KIF3B: variants seen among roughly 807,000 people sequenced by gnomAD.
KIF3B encodes kinesin-like protein KIF3B.
A neutral mutation model predicts 74.3 loss-of-function variants in KIF3B; 38 were observed. The ratio of observed to expected loss-of-function variants is 0.51; its 90% CI spans 0.39 to 0.67. The LOEUF (loss-of-function observed/expected upper bound fraction) is 0.67. Among genes scored for constraint, KIF3B ranks in the 30% least tolerant of loss-of-function variants. KIF3B has a pLI of 0.00. For synonymous variants in KIF3B, 326 were observed against 342.5 expected, an observed-to-expected ratio of 0.95 and a Z score of 0.53; for missense variants, 649 against 932.0, an observed-to-expected ratio of 0.70 and a Z score of 3.95.
intron 7 of KIF3B, 27 bp from the exon 8 acceptor site, chr20:32,330,114 T>C: frequency 1.2e-6 from 2 of 1,600,184 alleles, no homozygotes; most frequent in Non-Finnish European, 1.7e-6. Context: ...GAGGCTAACC[T>C]AGCTGGTGAT....
At chr20:32,314,275 C>G (rs2047816030) in intron 2 of KIF3B, among the ~76,000 whole-genome samples, 1 of 152,184 alleles carries the variant, frequency 6.6e-6, no homozygotes, top group African/African-American at 2.4e-5. Flanking sequence ...CGCGGTGGCT[C>G]ACGCCTGTAA....
intron 1 of KIF3B, among the ~76,000 whole-genome samples, chr20:32,280,291 T>C (rs1348681063): frequency 6.6e-6 from 1 of 152,188 alleles, no homozygotes; most frequent in Admixed American, 6.5e-5. Context: ...TATGTGATAA[T>C]ACCAGGTCCG....
At position 32,309,827 on chromosome 20, in the gene KIF3B, G is replaced by A. The variant is rs746037236; in HGVS notation, c.50G>A (p.Arg17Gln). Residue 17 changes from arginine to glutamine, a missense_variant, in exon 2 of 9, where the codon CGG becomes CAG. Transcript: ENST00000375712. ...TCAGTCAGGGTGGTGGTTCGCTGTC[G>A]GCCCATGAATGGCAAGGAAAAGGCT... Reference protein sequence around the residue: ...SESVRVVVRCRPMNGKEKAAS... With the variant: ...SESVRVVVRCQPMNGKEKAAS... 3 of 1,614,060 alleles carry A rather than the reference G, an allele frequency of 1.9e-6. No homozygotes were observed. The highest frequency in any genetic ancestry group is 1.1e-5 in the South Asian group (1 of 91,078).
intron 1 of KIF3B, among the ~76,000 whole-genome samples, chr20:32,293,845 A>G (rs142374681): frequency 7.2e-5 from 11 of 152,352 alleles, no homozygotes; most frequent in East Asian, 5.8e-4. Flanking sequence ...AGACATACAC[A>G]TGTATATATG....
chr20:32,314,624 G>A (rs1047552861), intron 2 of KIF3B, among the ~76,000 whole-genome samples: 3 of 152,088 alleles, frequency 2.0e-5, no homozygotes, highest in Admixed American at 6.6e-5. Context: ...CCCTTCATTC[G>A]AGAGGTGAGG....
intron 5 of KIF3B, among the ~76,000 whole-genome samples, chr20:32,323,560 G>A (rs1227856544): frequency 3.3e-5 from 5 of 151,392 alleles, no homozygotes; most frequent in Non-Finnish European, 7.4e-5. Flanking sequence ...GAGCCACCAC[G>A]CCCAGCCAAT....
intron 1 of KIF3B, among the ~76,000 whole-genome samples, chr20:32,281,556 A>G (rs1183248696): frequency 6.6e-6 from 1 of 152,162 alleles, no homozygotes; most frequent in Non-Finnish European, 1.5e-5. Context: ...ATCTCTATTA[A>G]AAATACAAAA....
At chr20:32,288,440 G>A (rs764169212) in intron 1 of KIF3B, among the ~76,000 whole-genome samples, 34 of 152,272 alleles carry the variant, frequency 2.2e-4, no homozygotes, top group East Asian at 3.9e-4. Flanking sequence ...CCATGATTGC[G>A]CTACTGCATT....
In KIF3B at chr20:32,330,270, G is replaced by A; in HGVS notation, c.2098G>A (p.Val700Met). 6.2e-7 allele frequency: 1 copy of A among 1,614,100 alleles called. No individual in the cohort carries two copies. The change falls in exon 8 of 9, where the codon GTG becomes ATG. Residue 700 changes from valine to methionine, a missense_variant. Val to Met is a conservative substitution (Grantham distance 21). Transcript: ENST00000375712. ...TCTGCAGGATGAAGATGAGATACAG[G>A]TGGATGCATCATCATTTGAAAGCAC... ...AALQDEDEIQVDASSFESTAN... is the reference protein window; with the variant it reads ...AALQDEDEIQMDASSFESTAN...
chr20:32,292,690 G>A (rs979399825), intron 1 of KIF3B, among the ~76,000 whole-genome samples: 6 of 151,744 alleles, frequency 4.0e-5, no homozygotes, highest in Admixed American at 2.0e-4. Context: ...CGAGGAGTTC[G>A]AGGCTGCAGT....
At chr20:32,322,373 C>A (rs1301671673) in intron 5 of KIF3B, among the ~76,000 whole-genome samples, 1 of 150,942 alleles carries the variant, frequency 6.6e-6, no homozygotes, top group East Asian at 2.0e-4. Context: ...CTTTGAGAGG[C>A]CCAGGTGGAC....
At chr20:32,305,368 A>G (rs2047764894) in intron 1 of KIF3B, among the ~76,000 whole-genome samples, 1 of 151,892 alleles carries the variant, frequency 6.6e-6, no homozygotes, top group African/African-American at 2.4e-5. Context: ...TCTTTTAAAA[A>G]GAAAATTTAA....
chr20:32,283,715 C>T (rs1040010810), intron 1 of KIF3B, among the ~76,000 whole-genome samples: 6 of 151,782 alleles, frequency 4.0e-5, no homozygotes, highest in Non-Finnish European at 8.8e-5. Context: ...GAGGCTGAGG[C>T]GGGAGAATCG....
chr20:32,327,323 G>A (rs2047908545), intron 6 of KIF3B, among the ~76,000 whole-genome samples: 1 of 152,096 alleles, frequency 6.6e-6, no homozygotes, highest in African/African-American at 2.4e-5. Context: ...TGACAGCTAT[G>A]CTTTGTGAAT....
chr20:32,294,860 G>A (rs2047709454), intron 1 of KIF3B, among the ~76,000 whole-genome samples: 1 of 152,154 alleles, frequency 6.6e-6, no homozygotes, highest in East Asian at 1.9e-4. Context: ...ATTCTGTTTA[G>A]TAGCCTTTTT....
chr20:32,281,277 G>A (rs1469198445), intron 1 of KIF3B, among the ~76,000 whole-genome samples: 2 of 152,194 alleles, frequency 1.3e-5, no homozygotes, highest in Admixed American at 6.6e-5. Context: ...AAGCCATGAT[G>A]CTATTGAGTG....
At chr20:32,304,333 G>C (rs1186277856) in intron 1 of KIF3B, among the ~76,000 whole-genome samples, 2 of 152,186 alleles carry the variant, frequency 1.3e-5, no homozygotes, top group Non-Finnish European at 2.9e-5. Flanking sequence ...CCCACCATGG[G>C]AGAATGGCAG....
intron 1 of KIF3B, among the ~76,000 whole-genome samples, chr20:32,304,254 A>G (rs2047758412): frequency 6.6e-6 from 1 of 152,192 alleles, no homozygotes; most frequent in Non-Finnish European, 1.5e-5. Context: ...GTGGGGGAAT[A>G]TGTTGATGCT....
intron 1 of KIF3B, among the ~76,000 whole-genome samples, chr20:32,287,572 C>G (rs2047673006): frequency 6.6e-6 from 1 of 151,502 alleles, no homozygotes; most frequent in Non-Finnish European, 1.5e-5. Flanking sequence ...GCTCCTGACT[C>G]AGCCTCCCAA....
Sources: allele counts gnomAD v4.1 joint callset (sites outside exome capture counted in the v4.1 genomes callset), GRCh38; gene constraint gnomAD v4.1.1; transcripts MANE v1.5; gene names NCBI Gene and HGNC (gene_info 2026-07-23, HGNC 2026-07-21).